Variants in PSTPIP1 observed in about 807,000 individuals in gnomAD.
The protein encoded by PSTPIP1 is proline-serine-threonine phosphatase-interacting protein 1.
PSTPIP1 carries 66 observed loss-of-function variants against 69.6 expected under a neutral mutation model. The ratio of observed to expected loss-of-function variants is 0.95; its 90% CI spans 0.78 to 1.16. The LOEUF (loss-of-function observed/expected upper bound fraction) is 1.16, where lower values mean the gene tolerates loss of function less well. PSTPIP1 is among the 50% of genes most tolerant of loss of function. PSTPIP1 has a pLI of 0.00. For synonymous variants in PSTPIP1, 266 were observed against 222.7 expected (o/e 1.19, Z -1.73); for missense variants, 603 against 557.4 (o/e 1.08, Z -0.82).
Position 77,035,808 on chromosome 15 carries a change from CAG to C in PSTPIP1, c.996_997del (p.Glu332AspfsTer10). ...TGTCTCACCCTGCTCTTAGCGTCCACAGAGACCCTGACCCCCACCCCCGAGCG... is the reference window on the plus strand; with the variant it reads ...TGTCTCACCCTGCTCTTAGCGTCCACAGACCCTGACCCCCACCCCCGAGCG... On this transcript the variant is annotated frameshift_variant, in exon 14 of 15. Transcript: ENST00000558012. LOFTEE classifies it high-confidence loss of function. 1 of 1,607,438 alleles carries C rather than the reference CAG, an allele frequency of 6.2e-7. No individual in the cohort carries two copies. The highest frequency in any genetic ancestry group is 1.1e-5 in the South Asian group (1 of 90,956).
chr15:77,024,206 T>C (rs991674171), intron 3 of PSTPIP1: 1 of 152,192 alleles, frequency 6.6e-6, no homozygotes, highest in Non-Finnish European at 1.5e-5. Context: ...AGAATCTGTA[T>C]TTCTAACAGG....
At chr15:77,000,836 C>T (rs559775810) in intron 1 of PSTPIP1, among the ~76,000 whole-genome samples, 36 of 152,276 alleles carry the variant, frequency 2.4e-4, no homozygotes, top group South Asian at 1.5e-3. Flanking sequence ...CCACCATGCA[C>T]GGCCCTCCCT....
rs867293179 is a variant in PSTPIP1 at position 76,995,421 on chromosome 15, C to G, written c.-153C>G. ...TCCCCTCAGAAGCTCCTCTCTGGCT[C>G]GTGGCTGCCTTCTGAGTGTTGCAGA... is the stretch of plus-strand genomic sequence containing the variant. On this transcript the variant is annotated 5_prime_UTR_variant, in exon 1 of 15. Coordinates refer to ENST00000558012, the MANE Select transcript of PSTPIP1 (RefSeq NM_003978.5). 3.3e-6 allele frequency: 5 copies of G among 1,494,878 alleles called. No homozygotes were observed. The highest frequency in any genetic ancestry group is 2.4e-5 in the East Asian group (1 of 41,182). 92.6% of individuals were successfully genotyped at this position (1,494,878 alleles called of 1,614,324 possible). A position where few individuals can be genotyped will look rare whatever the true frequency, so the allele number is the denominator to read the frequency against.
intron 10 of PSTPIP1, among the ~76,000 whole-genome samples, chr15:77,031,999 C>T (rs562560105): frequency 3.9e-5 from 6 of 152,352 alleles, no homozygotes; most frequent in South Asian, 2.1e-4. Context: ...GCTGCATTCT[C>T]GCTGTGACCT....
At chr15:77,032,513 G>C in intron 11 of PSTPIP1, 119 bp downstream of exon 11, 1 of 1,097,426 alleles carries the variant, frequency 9.1e-7, no homozygotes, top group Non-Finnish European at 1.3e-6. Flanking sequence ...CTTCAGGGCA[G>C]AGAAGCCCTA....
intron 5 of PSTPIP1, chr15:77,026,301 G>A (rs2152684467): frequency 2.3e-6 from 1 of 432,404 alleles, no homozygotes. Flanking sequence ...GAGGATGGGG[G>A]CTGAGCCTCT....
At chr15:77,018,624 G>GCTACTGAGGCAGAGGTGAGCT in intron 3 of PSTPIP1, 93 bp downstream of exon 3, 1 of 1,327,334 alleles carries the variant, frequency 7.5e-7, no homozygotes, top group Non-Finnish European at 1.0e-6. Flanking sequence ...GCATGGGGGA[G>GCTACTGAGGCAGAGGTGAGCT]GCTGGGCAGA....
At chr15:76,999,588 A>G (rs2075654508) in intron 1 of PSTPIP1, 1 of 151,904 alleles carries the variant, frequency 6.6e-6, no homozygotes, top group Non-Finnish European at 1.5e-5. Context: ...ACTACATTTC[A>G]CTTTTGTTAT....
chr15:77,017,878 G>C (rs549937061), intron 1 of PSTPIP1, among the ~76,000 whole-genome samples: 1 of 152,236 alleles, frequency 6.6e-6, no homozygotes, highest in Non-Finnish European at 1.5e-5. Flanking sequence ...TGTGTGTCCT[G>C]TCCTGTGAGC....
chr15:77,003,568 A>G (rs2152666555), intron 1 of PSTPIP1, among the ~76,000 whole-genome samples: 1 of 152,194 alleles, frequency 6.6e-6, no homozygotes, highest in South Asian at 2.1e-4. Context: ...AGGCAGGAGA[A>G]TCGCTTGAAC....
At chr15:77,000,853 T>C (rs2075693175) in intron 1 of PSTPIP1, among the ~76,000 whole-genome samples, 1 of 152,166 alleles carries the variant, frequency 6.6e-6, no homozygotes, top group Non-Finnish European at 1.5e-5. Context: ...CCCTCCTTTT[T>C]TTTTCTAGTA....
At chr15:77,013,151 G>A (rs2469235) in intron 1 of PSTPIP1, among the ~76,000 whole-genome samples, 143,006 of 152,292 alleles carry the variant, frequency 0.94, 67,271 homozygotes, top group Admixed American at 0.97. Context: ...ATGCAGCTCC[G>A]TGCAGCTACC....
At chr15:77,034,167 G>C (rs1191504076) in intron 12 of PSTPIP1, among the ~76,000 whole-genome samples, 1 of 148,034 alleles carries the variant, frequency 6.8e-6, no homozygotes, top group Non-Finnish European at 1.5e-5. Flanking sequence ...GTGACTGGGA[G>C]TCAGAAGTGT....
At chr15:77,035,421 G>C (rs1255138202) in intron 12 of PSTPIP1, 87 bp from the exon 13 acceptor site, 1 of 1,392,674 alleles carries the variant, frequency 7.2e-7, no homozygotes, top group Non-Finnish European at 1.0e-6. Flanking sequence ...GTGCAGCTCT[G>C]AGACCTCTCC....
rs770139775 is a variant in PSTPIP1, at chr15:77,037,062, C to A, written c.1137C>A (p.Asp379Glu). Reference protein sequence around the residue: ...DYTAQNPDELDLSAGDILEVI... With the variant: ...DYTAQNPDELELSAGDILEVI... ...TTGGCCAGAACCCAGATGAGCTGGA[C>A]CTGTCCGCGGGAGACATCCTGGAGG... The change falls in exon 15 of 15, where the codon GAC (aspartate) becomes GAA (glutamate). Residue 379 changes from aspartate (D) to glutamate (E), a missense_variant. By Grantham distance (45) the Asp-to-Glu change is conservative (BLOSUM62 2). Coordinates refer to ENST00000558012, the MANE Select transcript of PSTPIP1 (RefSeq NM_003978.5). The A allele has an allele frequency of 6.2e-7, 1 of 1,612,238 alleles. No individual in the cohort carries two copies. The highest frequency in any genetic ancestry group is 1.7e-5 in the Admixed American group (1 of 59,994).
At chr15:77,012,156 T>C (rs62027309) in intron 1 of PSTPIP1, among the ~76,000 whole-genome samples, 1,509 of 28,326 alleles carry the variant, frequency 0.053, 14 homozygotes, top group East Asian at 0.16. Flanking sequence ...CATCCATCCA[T>C]CCACCCACCC....
At chr15:77,036,227 C>A (rs1326565897) in intron 14 of PSTPIP1, among the ~76,000 whole-genome samples, 1 of 152,150 alleles carries the variant, frequency 6.6e-6, no homozygotes, top group Non-Finnish European at 1.5e-5. Context: ...CGGGCCTGTA[C>A]ACAGCACACA....
intron 12 of PSTPIP1, among the ~76,000 whole-genome samples, chr15:77,033,531 C>T (rs560975548): frequency 3.3e-5 from 5 of 152,308 alleles, no homozygotes; most frequent in African/African-American, 9.6e-5. Context: ...CTATAGCCAG[C>T]TTAGGGAGCC....
chr15:76,998,822 G>A (rs1305926144), intron 1 of PSTPIP1, among the ~76,000 whole-genome samples: 1 of 152,206 alleles, frequency 6.6e-6, no homozygotes, highest in African/African-American at 2.4e-5. Context: ...GATTTTAGCT[G>A]CAGCCGAGTG....
Sources: allele counts gnomAD v4.1 joint callset (sites outside exome capture counted in the v4.1 genomes callset), GRCh38; gene constraint gnomAD v4.1.1; transcripts MANE v1.5; gene names NCBI Gene and HGNC (gene_info 2026-07-23, HGNC 2026-07-21).